PSPC1: variants seen among roughly 807,000 people sequenced by gnomAD.
PSPC1 encodes the protein paraspeckle protein 1.
PSPC1 carries 14 observed loss-of-function variants against 51.6 expected under a neutral mutation model. That is an observed-to-expected ratio of 0.27 (90% CI 0.18 to 0.42). PSPC1 has a LOEUF of 0.42. Among genes scored for constraint, PSPC1 ranks in the 10% least tolerant of loss-of-function variants. PSPC1 has a pLI of 1.00. For synonymous variants in PSPC1, 193 were observed against 231.9 expected (o/e 0.83, Z 1.53); for missense variants, 406 against 701.1 (o/e 0.58, Z 4.75).
chr13:19,766,523 A>G (rs1445714594), intron 2 of PSPC1, among the ~76,000 whole-genome samples: 3 of 151,962 alleles, frequency 2.0e-5, no homozygotes, highest in Non-Finnish European at 2.9e-5. Context: ...CGAAAATACA[A>G]AAAGTAAAAA....
At chr13:19,690,264 T>A (rs562207871) in intron 6 of PSPC1, among the ~76,000 whole-genome samples, 1 of 152,356 alleles carries the variant, frequency 6.6e-6, no homozygotes, top group Non-Finnish European at 1.5e-5. Context: ...AAGAATTAAC[T>A]GGACCATCAA....
chr13:19,733,267 T>C (rs1884351754), intron 5 of PSPC1, among the ~76,000 whole-genome samples: 1 of 152,186 alleles, frequency 6.6e-6, no homozygotes, highest in African/African-American at 2.4e-5. Flanking sequence ...CATGAAAGAA[T>C]GTCTGCGATG....
chr13:19,713,093 A>T lies in PSPC1; in HGVS notation c.1159-3494T>A, dbSNP rs550380856. 2.0e-5 allele frequency among the ~76,000 whole-genome samples: 3 copies of T among 152,338 alleles called. No individual in the cohort carries two copies. The East Asian group carries it at 5.8e-4, about 29-fold the overall frequency. Reference sequence around the variant, plus strand: ...ACAACTGTGTGCCCACCCAACAAGCAATACACAAAACCCTTACTTCCCTCT... The same window carrying T: ...ACAACTGTGTGCCCACCCAACAAGCTATACACAAAACCCTTACTTCCCTCT... On this transcript the variant is annotated intron_variant, in intron 6 of 8. Transcript: ENST00000338910.
At chr13:19,745,959 T>C (rs1885929852) in intron 4 of PSPC1, among the ~76,000 whole-genome samples, 4 of 151,934 alleles carry the variant, frequency 2.6e-5, no homozygotes, top group Non-Finnish European at 5.9e-5. Flanking sequence ...GTTTATCCTC[T>C]GTTGATTTCT....
intron 6 of PSPC1, among the ~76,000 whole-genome samples, chr13:19,714,897 CT>C: frequency 6.6e-6 from 1 of 152,306 alleles, no homozygotes. Context: ...TCCCTTATCA[CT>C]TCTCCGTATA....
At chr13:19,685,584 A>C (rs1485531974) in intron 6 of PSPC1, among the ~76,000 whole-genome samples, 1 of 152,188 alleles carries the variant, frequency 6.6e-6, no homozygotes, top group Non-Finnish European at 1.5e-5. Context: ...GTCTGACAGA[A>C]AGAGCACTGA....
At chr13:19,680,184 T>TACTAAAAATAAGG (rs1877113568) in intron 6 of PSPC1, among the ~76,000 whole-genome samples, 1 of 152,040 alleles carries the variant, frequency 6.6e-6, no homozygotes, top group Non-Finnish European at 1.5e-5. Context: ...CCAGCTAATT[T>TACTAAAAATAAGG]TTGTATTTTT....
At chr13:19,742,272 A>C (rs563415322) in intron 4 of PSPC1, among the ~76,000 whole-genome samples, 1 of 151,802 alleles carries the variant, frequency 6.6e-6, no homozygotes, top group African/African-American at 2.4e-5. Context: ...AAAAAAAAAA[A>C]AAAACAAACA....
chr13:19,689,810 G>C (rs1339099596), intron 6 of PSPC1, among the ~76,000 whole-genome samples: 1 of 152,148 alleles, frequency 6.6e-6, no homozygotes, highest in Non-Finnish European at 1.5e-5. Flanking sequence ...TCTATTCTTA[G>C]AAAACATTTG....
At chr13:19,718,408 G>A (rs149105019) in intron 6 of PSPC1, among the ~76,000 whole-genome samples, 3 of 152,182 alleles carry the variant, frequency 2.0e-5, no homozygotes, top group East Asian at 1.9e-4. Context: ...TTACATTGAC[G>A]GAACTGCAAA....
rs1220137304 is a variant in PSPC1 at position 19,703,257 on chromosome 13, G to T, written c.1490C>A (p.Pro497His). The T allele has an allele frequency of 6.2e-7, 1 of 1,613,646 alleles. No homozygotes were observed. Among genetic ancestry groups the T allele is most frequent in the South Asian group, 1.1e-5 (1 of 91,054 alleles). Residue 497 changes from proline (P) to histidine (H), a missense_variant, in exon 9 of 9, where the codon CCT becomes CAT. Pro to His is a moderately conservative substitution (Grantham distance 77, BLOSUM62 -2). Coordinates refer to ENST00000338910, the MANE Select transcript of PSPC1 (RefSeq NM_001354909.2). ...AAAGCCACCAGGACCACCACTCACA[G>T]GACCTACACCACTCATTGGTGCTTG... ...TPQAPMSGVG[P>H]VSGGPGGFGR...
chr13:19,728,057 G>C (rs1883569494), intron 6 of PSPC1, among the ~76,000 whole-genome samples: 1 of 152,072 alleles, frequency 6.6e-6, no homozygotes, highest in Non-Finnish European at 1.5e-5. Context: ...TATTGATGAA[G>C]TACTGGCTTA....
chr13:19,703,199 G>T lies in PSPC1; in HGVS notation c.1548C>A (p.Gly516=), dbSNP rs769412902. 1 of 1,613,992 alleles carries T rather than the reference G, an allele frequency of 6.2e-7. No homozygotes were observed. The highest frequency in any genetic ancestry group is 2.2e-5 in the East Asian group (1 of 44,872). Residue 516 remains glycine (G), a synonymous_variant, in exon 9 of 9, where the codon GGC becomes GGA. Coordinates refer to ENST00000338910, the MANE Select transcript of PSPC1 (RefSeq NM_001354909.2). ...TTTAATATCTACGACGCTTATTAGG[G>T]CCTTCAAAGTTGCCCCCTTGACTTC... ...GRGSQGGNFE[G]PNKRRRY
At chr13:19,688,963 A>T (rs1301057896) in intron 6 of PSPC1, among the ~76,000 whole-genome samples, 3 of 10,190 alleles carry the variant, frequency 2.9e-4, no homozygotes, top group African/African-American at 3.6e-4. Context: ...ATAAACTCTT[A>T]AAAAAAAAAA....
At chr13:19,682,233 G>C (rs1334987550) in intron 6 of PSPC1, among the ~76,000 whole-genome samples, 2 of 152,086 alleles carry the variant, frequency 1.3e-5, no homozygotes, top group Non-Finnish European at 2.9e-5. Context: ...GTATCTTTCA[G>C]CTGATATTTT....
chr13:19,685,290 C>T (rs1237762596), intron 6 of PSPC1, among the ~76,000 whole-genome samples: 1 of 152,204 alleles, frequency 6.6e-6, no homozygotes, highest in Non-Finnish European at 1.5e-5. Context: ...GAATTCCCGG[C>T]AGTCCCTTTG....
chr13:19,758,080 C>A (rs1287329290), intron 3 of PSPC1, among the ~76,000 whole-genome samples: 1 of 151,932 alleles, frequency 6.6e-6, no homozygotes, highest in Admixed American at 6.6e-5. Flanking sequence ...TTTGGGAGGC[C>A]GAGGTGGGTG....
intron 1 of PSPC1, among the ~76,000 whole-genome samples, chr13:19,778,584 GCCGGT>G (rs1162614848): frequency 8.0e-6 from 1 of 125,748 alleles, no homozygotes; most frequent in Non-Finnish European, 1.7e-5. Context: ...TGTTGGCCGG[GCCGGT>G]CTCCAGCCCC....
At chr13:19,695,537 G>A (rs1879101442) in intron 6 of PSPC1, among the ~76,000 whole-genome samples, 1 of 152,098 alleles carries the variant, frequency 6.6e-6, no homozygotes, top group Admixed American at 6.6e-5. Flanking sequence ...TAATCATCAT[G>A]CATAAATCTA....
Sources: allele counts gnomAD v4.1 joint callset (sites outside exome capture counted in the v4.1 genomes callset), GRCh38; gene constraint gnomAD v4.1.1; transcripts MANE v1.5; gene names NCBI Gene and HGNC (gene_info 2026-07-23, HGNC 2026-07-21).